Variants in ADAM10 observed in about 807,000 individuals in gnomAD.
The protein encoded by ADAM10 is disintegrin and metalloproteinase domain-containing protein 10.
ADAM10 carries 17 observed loss-of-function variants against 90.1 expected under a neutral mutation model. That is an observed-to-expected ratio of 0.19 (90% CI 0.13 to 0.28). The LOEUF (loss-of-function observed/expected upper bound fraction) is 0.28. Among genes scored for constraint, ADAM10 ranks in the 10% least tolerant of loss-of-function variants. The probability of loss-of-function intolerance (pLI) is 1.00; values close to 1 mark genes in which losing one functional copy is unlikely to be tolerated. For synonymous variants in ADAM10, 310 were observed against 298.6 expected (o/e 1.04, Z -0.40); for missense variants, 610 against 914.3 (o/e 0.67, Z 4.29).
chr15:58,623,982 TAA>T (rs34638861), intron 10 of ADAM10, among the ~76,000 whole-genome samples: 2 of 137,314 alleles, frequency 1.5e-5, no homozygotes, highest in African/African-American at 2.7e-5. Context: ...AAGTGAAATT[TAA>T]AAAAAAAAAA....
At chr15:58,666,794 A>G (rs1897091822) in intron 4 of ADAM10, among the ~76,000 whole-genome samples, 1 of 152,192 alleles carries the variant, frequency 6.6e-6, no homozygotes, top group Non-Finnish European at 1.5e-5. Flanking sequence ...ATTCCTTTTG[A>G]AAGCTTGAAA....
At position 58,591,143 on chromosome 15, in the gene ADAM10, G is replaced by C. The variant is rs1389521018; in HGVS notation, c.*6404C>G. On this transcript the variant is annotated 3_prime_UTR_variant, in exon 16 of 16. Transcript: ENST00000260408. ...AAGTAGTTAGCTAAGCCCTTCAACA[G>C]TGAGAGAGAGAGAGAGAGACAGAGC... The C allele has an allele frequency of 3.0e-5, 4 of 134,090 alleles. No homozygotes were observed. Among genetic ancestry groups the C allele is most frequent in the South Asian group, 4.9e-4 (2 of 4,084 alleles). The allele number at this position is 134,090 out of a possible 1,614,324, so 8.3% of individuals were successfully genotyped here.
Position 58,610,277 on chromosome 15 carries a change from T to A in ADAM10, c.2025+20A>T. On this transcript the variant is annotated intron_variant, in intron 14 of 15. Coordinates refer to ENST00000260408, the MANE Select transcript of ADAM10 (RefSeq NM_001110.4). ...ATCAAACCACTTTAAGTTTTCTTTGTAAATAAAAAACATACTTACCACAAT... is the reference window on the plus strand; with the variant it reads ...ATCAAACCACTTTAAGTTTTCTTTGAAAATAAAAAACATACTTACCACAAT... 2 of 1,608,550 alleles carry A rather than the reference T, an allele frequency of 1.2e-6. No homozygotes were observed. The highest frequency in any genetic ancestry group is 3.3e-5 in the Admixed American group (2 of 60,014).
intron 5 of ADAM10, among the ~76,000 whole-genome samples, chr15:58,659,493 T>C (rs1232513637): frequency 6.6e-6 from 1 of 152,098 alleles, no homozygotes; most frequent in Non-Finnish European, 1.5e-5. Flanking sequence ...TCCTTTATTA[T>C]GTTTATGTGG....
At chr15:58,687,458 A>C (rs1897635205) in intron 2 of ADAM10, among the ~76,000 whole-genome samples, 1 of 152,174 alleles carries the variant, frequency 6.6e-6, no homozygotes, top group African/African-American at 2.4e-5. Context: ...TTAACTTCAC[A>C]AGGGTTTTAC....
intron 2 of ADAM10, among the ~76,000 whole-genome samples, chr15:58,700,527 C>G (rs555438368): frequency 1.3e-5 from 2 of 151,804 alleles, no homozygotes; most frequent in African/African-American, 4.8e-5. Flanking sequence ...ACAAATGAAA[C>G]GAATGAAAAT....
intron 9 of ADAM10, among the ~76,000 whole-genome samples, chr15:58,631,722 G>C (rs1230176219): frequency 6.6e-6 from 1 of 152,154 alleles, no homozygotes. Context: ...GATGACTTGG[G>C]GAGAAGAGAG....
intron 4 of ADAM10, chr15:58,672,563 A>G (rs1897219007): frequency 6.6e-6 from 1 of 152,196 alleles, no homozygotes; most frequent in South Asian, 2.1e-4. Context: ...AGGGATCCCA[A>G]TGTACCCAAG....
intron 2 of ADAM10, among the ~76,000 whole-genome samples, chr15:58,695,057 A>G (rs1358727949): frequency 6.6e-6 from 1 of 152,232 alleles, no homozygotes; most frequent in Non-Finnish European, 1.5e-5. Flanking sequence ...AGTAGCATAC[A>G]TTTACTAGCT....
At chr15:58,709,984 T>C (rs1445761363) in intron 2 of ADAM10, among the ~76,000 whole-genome samples, 2 of 152,040 alleles carry the variant, frequency 1.3e-5, no homozygotes, top group Non-Finnish European at 2.9e-5. Context: ...GGTTAGTGCT[T>C]AAAAACATGT....
chr15:58,723,636 C>T (rs183813386), intron 1 of ADAM10, among the ~76,000 whole-genome samples: 18 of 152,212 alleles, frequency 1.2e-4, no homozygotes, highest in East Asian at 3.9e-4. Context: ...ACCCGGGAGA[C>T]GGAGGTTGCA....
At position 58,589,885 on chromosome 15, in the gene ADAM10, A is replaced by C. The variant is rs1295416204; in HGVS notation, c.*7662T>G. On this transcript the variant is annotated 3_prime_UTR_variant, in exon 16 of 16. Transcript: ENST00000260408. ...TCCCAGATTGTTGGGCCAATATCCTAAGGAGAATAACCAAGTATGACACCT... is the reference window on the plus strand; with the variant it reads ...TCCCAGATTGTTGGGCCAATATCCTCAGGAGAATAACCAAGTATGACACCT... 1 of 152,140 alleles carries C rather than the reference A, an allele frequency of 6.6e-6. No homozygotes were observed. The highest frequency in any genetic ancestry group is 1.5e-5 in the Non-Finnish European group (1 of 68,028). 9.4% of individuals were successfully genotyped at this position (152,140 alleles called of 1,614,324 possible). A position where few individuals can be genotyped will look rare whatever the true frequency, so the allele number is the denominator to read the frequency against.
rs140059907 is a variant in ADAM10, at chr15:58,675,308, A to G, written c.484+3816T>C. On this transcript the variant is annotated intron_variant, in intron 4 of 15. Coordinates refer to ENST00000260408, the MANE Select transcript of ADAM10 (RefSeq NM_001110.4). ...GCAGCTCTTCATATACAATTAAAAT[A>G]TATTTTTTAATTTGGAGATTAAGTA... Among the ~76,000 whole-genome samples the G allele has an allele frequency of 3.6e-3, 544 of 152,334 alleles. 1 individual carries two copies. The highest frequency in any genetic ancestry group is 6.0e-3 in the Non-Finnish European group (408 of 68,026).
At chr15:58,740,668 G>C (rs1484636107) in intron 1 of ADAM10, among the ~76,000 whole-genome samples, 1 of 152,060 alleles carries the variant, frequency 6.6e-6, no homozygotes, top group African/African-American at 2.4e-5. Flanking sequence ...GCTTCCCAAA[G>C]TGCTGGGATC....
intron 14 of ADAM10, among the ~76,000 whole-genome samples, chr15:58,608,376 T>G (rs574096437): frequency 9.8e-5 from 15 of 152,314 alleles, no homozygotes; most frequent in African/African-American, 3.1e-4. Context: ...CCTAACATGA[T>G]AAATCCCGGT....
intron 1 of ADAM10, among the ~76,000 whole-genome samples, chr15:58,730,008 A>AAAAAAAAAAAAAC (rs1567016190): frequency 7.1e-6 from 1 of 141,536 alleles, no homozygotes; most frequent in Non-Finnish European, 1.5e-5. Context: ...ACAAACAAAA[A>AAAAAAAAAAAAAC]AAAAAACTCA....
chr15:58,694,280 G>C (rs1024614494), intron 2 of ADAM10, among the ~76,000 whole-genome samples: 2 of 152,088 alleles, frequency 1.3e-5, no homozygotes, highest in Non-Finnish European at 2.9e-5. Context: ...TTGAAACCCC[G>C]TCTGTACTAA....
At position 58,665,172 on chromosome 15, in the gene ADAM10, C is replaced by G. The variant is rs61751103; in HGVS notation, c.510G>C (p.Gln170His). Residue 170 changes from glutamine to histidine, a missense_variant, in exon 5 of 16, where the codon CAG becomes CAC. Gln to His is a conservative substitution (Grantham distance 24). Around this residue, in one of 4 missense-constraint regions of ADAM10, gnomAD observed 310 missense variants for 362.4 expected, o/e 0.86. Transcript: ENST00000260408. ...DINYPHKYGP[Q>H]GGCADHSVFE... Reference sequence around the variant, plus strand: ...ATACTGAATGATCTGCACAGCCCCCCTGAGGACCGTATTTATGGGGATAGT... The same window carrying G: ...ATACTGAATGATCTGCACAGCCCCCGTGAGGACCGTATTTATGGGGATAGT... 1,784 of 1,612,980 alleles carry G rather than the reference C, an allele frequency of 1.1e-3. 8 individuals carry two copies. Among genetic ancestry groups the G allele is most frequent in the Admixed American group, 4.4e-3 (266 of 60,008 alleles).
chr15:58,699,283 G>T (rs1187408588), intron 2 of ADAM10, among the ~76,000 whole-genome samples: 1 of 152,142 alleles, frequency 6.6e-6, no homozygotes, highest in Admixed American at 6.6e-5. Flanking sequence ...AACTGTACAA[G>T]AAATGCTCAA....
Sources: gnomAD v4.1 joint callset for allele counts (sites outside exome capture counted in the v4.1 genomes callset) on GRCh38, gnomAD v4.1.1 for gene constraint, gnomAD v4.1.1 regional missense constraint, MANE v1.5 for transcripts, NCBI Gene and HGNC (gene_info 2026-07-23, HGNC 2026-07-21) for gene names.